Variants in ASIC2 observed in about 807,000 individuals in gnomAD.
ASIC2 encodes acid sensing ion channel subunit 2.
Under a neutral mutation model 57.3 loss-of-function variants are expected in ASIC2, and 25 were observed. The observed-to-expected ratio is 0.44, with a 90% confidence interval of 0.32 to 0.61. The LOEUF is 0.61. Ranked by LOEUF, ASIC2 falls within the 20% of genes least tolerant of loss-of-function variation. ASIC2 has a pLI of 0.06. For synonymous variants in ASIC2, 319 were observed against 307.5 expected, an observed-to-expected ratio of 1.04 and a Z score of -0.39; for missense variants, 641 against 738.1, an observed-to-expected ratio of 0.87 and a Z score of 1.52.
chr17:33,405,130 A>ACATT (rs1197555145), intron 1 of ASIC2, among the ~76,000 whole-genome samples: 1 of 152,000 alleles, frequency 6.6e-6, no homozygotes, highest in Non-Finnish European at 1.5e-5. Flanking sequence ...CCTCTCTGTC[A>ACATT]CATTCATTCA....
chr17:33,374,622 A>G (rs1336898238), intron 1 of ASIC2, among the ~76,000 whole-genome samples: 3 of 152,152 alleles, frequency 2.0e-5, no homozygotes, highest in Non-Finnish European at 4.4e-5. Context: ...CAGTGAATTG[A>G]TTTTGTCTGT....
intron 1 of ASIC2, among the ~76,000 whole-genome samples, chr17:34,119,195 A>G (rs1598035740): frequency 6.6e-6 from 1 of 152,282 alleles, no homozygotes; most frequent in East Asian, 1.9e-4. Flanking sequence ...GGAACATAAT[A>G]GAAGGGTTAT....
chr17:33,439,929 G>A (rs532880097), intron 1 of ASIC2, among the ~76,000 whole-genome samples: 1 of 152,314 alleles, frequency 6.6e-6, no homozygotes, highest in Admixed American at 6.5e-5. Flanking sequence ...AAGGTGACCT[G>A]GTAAAGGCAA....
At chr17:33,272,572 C>T (rs1007996755) in intron 1 of ASIC2, among the ~76,000 whole-genome samples, 13 of 152,200 alleles carry the variant, frequency 8.5e-5, no homozygotes, top group African/African-American at 3.1e-4. Flanking sequence ...CCCTGCCCTG[C>T]ACATGGCTGT....
At chr17:34,013,013 G>C (rs755873366) in intron 1 of ASIC2, among the ~76,000 whole-genome samples, 2 of 152,194 alleles carry the variant, frequency 1.3e-5, no homozygotes, top group African/African-American at 2.4e-5. Context: ...GAAGCAGTGA[G>C]GGGGACAGCC....
intron 1 of ASIC2, among the ~76,000 whole-genome samples, chr17:33,322,307 G>T (rs1287182327): frequency 1.3e-5 from 2 of 152,174 alleles, no homozygotes; most frequent in Admixed American, 6.5e-5. Context: ...AGCAAAGCCA[G>T]TTGGAAGGAA....
At chr17:33,579,261 G>C (rs1187419073) in intron 1 of ASIC2, among the ~76,000 whole-genome samples, 17 of 145,500 alleles carry the variant, frequency 1.2e-4, no homozygotes, top group East Asian at 2.0e-4. Flanking sequence ...ACTCCAGCCT[G>C]GGTAGCACGA....
intron 1 of ASIC2, among the ~76,000 whole-genome samples, chr17:33,490,556 G>A (rs1426270127): frequency 1.3e-5 from 2 of 152,190 alleles, no homozygotes; most frequent in East Asian, 1.9e-4. Flanking sequence ...TAGTGAATAA[G>A]TCTCATGAGA....
intron 1 of ASIC2, among the ~76,000 whole-genome samples, chr17:33,776,296 A>G (rs1911276191): frequency 6.6e-6 from 1 of 152,218 alleles, no homozygotes; most frequent in African/African-American, 2.4e-5. Flanking sequence ...CCCTTATAAA[A>G]GAGACCTCAG....
chr17:33,166,812 C>T (rs1054221048), intron 1 of ASIC2, among the ~76,000 whole-genome samples: 3 of 152,206 alleles, frequency 2.0e-5, no homozygotes, highest in Admixed American at 6.5e-5. Flanking sequence ...GAATGCATCT[C>T]GACAACTCAT....
chr17:33,773,656 G>A (rs1597870492), intron 1 of ASIC2, among the ~76,000 whole-genome samples: 1 of 136,966 alleles, frequency 7.3e-6, no homozygotes. Flanking sequence ...TAGTCTCTCT[G>A]TTTTTTTTTT....
chr17:33,332,871 A>T lies in ASIC2; in HGVS notation c.556-220804T>A, dbSNP rs369183816. Among the ~76,000 whole-genome samples the T allele has an allele frequency of 9.8e-5, 15 of 152,322 alleles. 1 individual carries two copies. The South Asian group carries it at 1.9e-3, about 19-fold the overall frequency. ...GCGCCACTGCACTCCAGCCTGGGTG[A>T]CAGTGTGAAACTCCATCTCAAAACA... On this transcript the variant is annotated intron_variant, in intron 1 of 9. Transcript: ENST00000359872.
At chr17:33,679,472 G>T (rs1187520135) in intron 1 of ASIC2, among the ~76,000 whole-genome samples, 1 of 152,156 alleles carries the variant, frequency 6.6e-6, no homozygotes, top group Non-Finnish European at 1.5e-5. Context: ...ATTTCTTGGG[G>T]GCCTACCTTG....
intron 1 of ASIC2, among the ~76,000 whole-genome samples, chr17:33,685,335 C>T (rs1415018168): frequency 1.3e-5 from 2 of 152,190 alleles, no homozygotes; most frequent in East Asian, 1.9e-4. Context: ...CAGGCCACCT[C>T]GCGCTCCTCC....
At chr17:33,915,508 A>G (rs1194441148) in intron 1 of ASIC2, among the ~76,000 whole-genome samples, 2 of 152,146 alleles carry the variant, frequency 1.3e-5, no homozygotes, top group African/African-American at 4.8e-5. Context: ...GATTTATCCC[A>G]TTTAAGATGA....
chr17:33,917,812 C>T (rs908359822), intron 1 of ASIC2, among the ~76,000 whole-genome samples: 4 of 152,006 alleles, frequency 2.6e-5, no homozygotes, highest in African/African-American at 7.2e-5. Flanking sequence ...ATTTCTAGGG[C>T]CTTATGATCC....
intron 1 of ASIC2, among the ~76,000 whole-genome samples, chr17:34,019,402 T>G (rs531954814): frequency 6.6e-6 from 1 of 152,202 alleles, no homozygotes; most frequent in African/African-American, 2.4e-5. Context: ...AAATCTTTCA[T>G]GAAAACAAGA....
intron 1 of ASIC2, among the ~76,000 whole-genome samples, chr17:33,916,911 A>G (rs1455666108): frequency 6.6e-6 from 1 of 152,170 alleles, no homozygotes; most frequent in African/African-American, 2.4e-5. Flanking sequence ...TGGGAAGTGT[A>G]TGTGGCAGGC....
intron 1 of ASIC2, among the ~76,000 whole-genome samples, chr17:34,031,197 G>A (rs954760032): frequency 5.9e-5 from 9 of 152,294 alleles, no homozygotes; most frequent in African/African-American, 2.2e-4. Context: ...CAGCATTTGC[G>A]GTTCACCAAT....
Sources: gnomAD v4.1 joint callset for allele counts (sites outside exome capture counted in the v4.1 genomes callset) on GRCh38, gnomAD v4.1.1 for gene constraint, MANE v1.5 for transcripts, NCBI Gene and HGNC (gene_info 2026-07-23, HGNC 2026-07-21) for gene names.